The following ARHGEF3 variants were observed in gnomAD, a reference collection of about 807,000 sequenced individuals.
The protein encoded by ARHGEF3 is 59.8 kDA protein.
ARHGEF3 carries 28 observed loss-of-function variants against 63.2 expected under a neutral mutation model. The ratio of observed to expected loss-of-function variants is 0.44; its 90% CI spans 0.33 to 0.61. The LOEUF (loss-of-function observed/expected upper bound fraction) is 0.61. ARHGEF3 is among the 20% of genes least tolerant of loss of function. ARHGEF3 has a pLI of 0.03. For missense variants in ARHGEF3, 533 were observed against 659.3 expected (o/e 0.81, Z 2.10); for synonymous variants, 266 against 254.2 (o/e 1.05, Z -0.44).
At position 56,741,746 on chromosome 3, in the gene ARHGEF3, GC is replaced by G. The variant is rs952601394; in HGVS notation, c.870+3458del. On this transcript the variant is annotated intron_variant, in intron 7 of 9. Coordinates refer to ENST00000296315, the MANE Select transcript of ARHGEF3 (RefSeq NM_019555.3). ...TCTCGATCTCCTGACCTCTTGATCTGCCCGCCTTGGCCTCCCAAGGTGCTGG... is the reference window on the plus strand; with the variant it reads ...TCTCGATCTCCTGACCTCTTGATCTGCCGCCTTGGCCTCCCAAGGTGCTGG... Among the ~76,000 whole-genome samples the G allele has an allele frequency of 2.0e-5, 3 of 151,864 alleles. 1 individual carries two copies. Among genetic ancestry groups the G allele is most frequent in the African/African-American group, 4.8e-5 (2 of 41,316 alleles).
chr3:56,934,041 C>T (rs763312841), intron 3 of ARHGEF3, among the ~76,000 whole-genome samples: 2 of 152,198 alleles, frequency 1.3e-5, no homozygotes, highest in Non-Finnish European at 2.9e-5. Context: ...TTGTATGTTT[C>T]CTGAGGCCTC....
intron 3 of ARHGEF3, among the ~76,000 whole-genome samples, chr3:56,901,547 G>A (rs989749778): frequency 2.0e-5 from 3 of 151,372 alleles, no homozygotes; most frequent in Non-Finnish European, 2.9e-5. Flanking sequence ...GCTCCTGGGG[G>A]GAATACAGGG....
chr3:56,842,006 A>G (rs2039325222), intron 4 of ARHGEF3, among the ~76,000 whole-genome samples: 1 of 152,172 alleles, frequency 6.6e-6, no homozygotes, highest in Non-Finnish European at 1.5e-5. Context: ...CTTTATAGAC[A>G]CTAGCTTAAG....
chr3:56,812,712 G>A (rs972187365), intron 4 of ARHGEF3, among the ~76,000 whole-genome samples: 1 of 152,224 alleles, frequency 6.6e-6, no homozygotes, highest in African/African-American at 2.4e-5. Flanking sequence ...GTTTCTGCAA[G>A]ATTAAACATG....
chr3:57,037,656 C>T (rs558233591), intron 1 of ARHGEF3, among the ~76,000 whole-genome samples: 7 of 152,306 alleles, frequency 4.6e-5, no homozygotes, highest in East Asian at 1.9e-4. Context: ...AGGCGGATCA[C>T]GAGGTCAGGA....
intron 3 of ARHGEF3, among the ~76,000 whole-genome samples, chr3:56,895,326 G>A (rs533276701): frequency 2.0e-5 from 3 of 152,188 alleles, no homozygotes; most frequent in African/African-American, 7.2e-5. Context: ...TGTGCTGAAT[G>A]AGCTCTAGCT....
At chr3:56,814,324 C>T (rs1291409585) in intron 4 of ARHGEF3, among the ~76,000 whole-genome samples, 1 of 152,008 alleles carries the variant, frequency 6.6e-6, no homozygotes, top group Non-Finnish European at 1.5e-5. Context: ...AGCTCATCAG[C>T]TATTGTTAGT....
chr3:57,026,263 T>C (rs1301054360), intron 2 of ARHGEF3, among the ~76,000 whole-genome samples: 1 of 152,020 alleles, frequency 6.6e-6, no homozygotes, highest in African/African-American at 2.4e-5. Flanking sequence ...TAGCCAGGTG[T>C]GGTGGTGCAA....
chr3:57,053,820 T>C (rs1027127873), intron 1 of ARHGEF3, among the ~76,000 whole-genome samples: 4 of 152,254 alleles, frequency 2.6e-5, no homozygotes, highest in African/African-American at 9.6e-5. Flanking sequence ...ATCCGCGTTG[T>C]GGCATGCAGC....
At chr3:56,835,648 C>T (rs748818319) in intron 4 of ARHGEF3, among the ~76,000 whole-genome samples, 9 of 152,160 alleles carry the variant, frequency 5.9e-5, no homozygotes, top group African/African-American at 1.4e-4. Context: ...GTCTAAGCCA[C>T]GTGGAAGGAC....
chr3:56,958,431 T>G (rs1232044667), intron 3 of ARHGEF3, among the ~76,000 whole-genome samples: 1 of 151,630 alleles, frequency 6.6e-6, no homozygotes, highest in Non-Finnish European at 1.5e-5. Context: ...TGGGCTCAAG[T>G]GATCCTCCCA....
intron 3 of ARHGEF3, among the ~76,000 whole-genome samples, chr3:56,891,509 T>C (rs1460893248): frequency 2.0e-5 from 3 of 152,152 alleles, no homozygotes; most frequent in East Asian, 1.9e-4. Flanking sequence ...ACAAATATAA[T>C]ATGCAATTAT....
chr3:56,799,595 C>T (rs1434925870), intron 1 of ARHGEF3, among the ~76,000 whole-genome samples: 1 of 152,152 alleles, frequency 6.6e-6, no homozygotes, highest in South Asian at 2.1e-4. Flanking sequence ...CAAGCGAATG[C>T]TATTTTTTAA....
At chr3:56,731,221 A>C (rs781762248) in intron 9 of ARHGEF3, among the ~76,000 whole-genome samples, 10 of 152,156 alleles carry the variant, frequency 6.6e-5, no homozygotes, top group Non-Finnish European at 1.0e-4. Flanking sequence ...TTTCTCAGAG[A>C]AGTGTTCCCT....
chr3:57,050,362 C>A (rs1186132855), intron 1 of ARHGEF3, among the ~76,000 whole-genome samples: 1 of 152,252 alleles, frequency 6.6e-6, no homozygotes, highest in Non-Finnish European at 1.5e-5. Flanking sequence ...ACTCTCAGGA[C>A]TATCAAAACT....
chr3:56,981,318 G>A (rs1701319640), intron 2 of ARHGEF3, among the ~76,000 whole-genome samples: 1 of 152,158 alleles, frequency 6.6e-6, no homozygotes, highest in Non-Finnish European at 1.5e-5. Context: ...CTTTCTTAAT[G>A]CATCATTCTA....
intron 4 of ARHGEF3, among the ~76,000 whole-genome samples, chr3:56,877,350 T>A (rs1210287128): frequency 6.6e-6 from 1 of 151,572 alleles, no homozygotes; most frequent in Non-Finnish European, 1.5e-5. Context: ...GAAAAATTCA[T>A]GAATAAATTA....
chr3:56,774,575 C>A (rs1313532906), intron 1 of ARHGEF3, among the ~76,000 whole-genome samples: 2 of 152,138 alleles, frequency 1.3e-5, no homozygotes, highest in African/African-American at 2.4e-5. Context: ...CTACCCATTC[C>A]AAGGACTTTG....
At chr3:56,967,613 C>T (rs1240585515) in intron 2 of ARHGEF3, among the ~76,000 whole-genome samples, 2 of 84,552 alleles carry the variant, frequency 2.4e-5, no homozygotes, top group East Asian at 3.6e-4. Context: ...ATATATGTTA[C>T]ATAATATATA....
Sources: allele counts gnomAD v4.1 joint callset (sites outside exome capture counted in the v4.1 genomes callset), GRCh38; gene constraint gnomAD v4.1.1; transcripts MANE v1.5; gene names NCBI Gene and HGNC (gene_info 2026-07-23, HGNC 2026-07-21).